The following DISP1 variants were observed in gnomAD, a reference collection of about 807,000 sequenced individuals.
DISP1 encodes protein dispatched homolog 1.
Under a neutral mutation model 37.3 loss-of-function variants are expected in DISP1, and 30 were observed. That is an observed-to-expected ratio of 0.80 (90% confidence interval 0.60 to 1.09). The LOEUF is 1.09. DISP1 is among the 50% of genes least tolerant of loss of function. The pLI, the probability that DISP1 is intolerant of heterozygous loss-of-function variation, is 0.00. For synonymous variants in DISP1, 634 were observed against 690.2 expected, an observed-to-expected ratio of 0.92 and a Z score of 1.28; for missense variants, 1,598 against 1,879.5, an observed-to-expected ratio of 0.85 and a Z score of 2.77.
chr1:222,913,179 CT>C, intron 1 of DISP1, among the ~76,000 whole-genome samples: 1 of 152,256 alleles, frequency 6.6e-6, no homozygotes, highest in African/African-American at 2.4e-5. Context: ...CTTCTTGGTA[CT>C]TGGTAGTTGC....
chr1:222,865,031 TTTTTG>T (rs986615725), intron 1 of DISP1, among the ~76,000 whole-genome samples: 1 of 151,992 alleles, frequency 6.6e-6, no homozygotes, highest in African/African-American at 2.4e-5. Flanking sequence ...TATTTGTTTG[TTTTTG>T]TTTTGTTTTT....
chr1:222,888,511 G>A (rs1670766630), intron 1 of DISP1, among the ~76,000 whole-genome samples: 1 of 152,038 alleles, frequency 6.6e-6, no homozygotes. Flanking sequence ...TTTTTATGGA[G>A]CAAAGGAATG....
intron 1 of DISP1, among the ~76,000 whole-genome samples, chr1:222,848,046 A>T (rs1390014699): frequency 2.0e-5 from 3 of 151,842 alleles, no homozygotes; most frequent in Admixed American, 2.0e-4. Context: ...TTTGGGGGGA[A>T]TATTTTAGGA....
chr1:223,004,507 T>G lies in DISP1; in HGVS notation c.3110T>G (p.Leu1037Trp). 1 of 1,614,258 alleles carries G rather than the reference T, an allele frequency of 6.2e-7. No homozygotes were observed. Among genetic ancestry groups the G allele is most frequent in the South Asian group, 1.1e-5 (1 of 91,082 alleles). Residue 1037 changes from leucine (L) to tryptophan (W), a missense_variant, in exon 9 of 9, where the codon TTG becomes TGG. Coordinates refer to ENST00000675850, the MANE Select transcript of DISP1 (RefSeq NM_001377229.1). The surrounding 1 kb of genome is among the most constrained non-coding windows in gnomAD (Gnocchi z 4.9). ...LVLLGWELNV[L>W]ESVTISVAVG... ...CTGCTGGGCTGGGAGCTCAATGTGT[T>G]GGAATCTGTCACCATTTCGGTTGCC...
In DISP1 at chr1:222,936,798, T is replaced by TATATATAA. The variant is rs1337794006; in HGVS notation, c.-17-6007_-17-6006insATATAAAT. On this transcript the variant is annotated intron_variant, in intron 2 of 8. Coordinates refer to ENST00000675850, the MANE Select transcript of DISP1 (RefSeq NM_001377229.1). ...TATATCATATATAATATATATAATA[T>TATATATAA]ATTATATATATAAATTATATATAAT... is the stretch of plus-strand genomic sequence containing the variant. Among the ~76,000 whole-genome samples, 90 of 42,188 alleles carry TATATATAA rather than the reference T, an allele frequency of 2.1e-3. 1 individual carries two copies. Among genetic ancestry groups the TATATATAA allele is most frequent in the African/African-American group, 6.2e-3 (83 of 13,422 alleles). The allele number at this position is 42,188 out of a possible 152,430, so 27.7% of individuals were successfully genotyped here. A position where few individuals can be genotyped will look rare whatever the true frequency, so the allele number is the denominator to read the frequency against.
At chr1:222,984,837 T>C (rs1366166739) in intron 4 of DISP1, among the ~76,000 whole-genome samples, 1 of 152,168 alleles carries the variant, frequency 6.6e-6, no homozygotes, top group Non-Finnish European at 1.5e-5. Flanking sequence ...CTGCTTTCTG[T>C]CTCTATGGGT....
intron 1 of DISP1, among the ~76,000 whole-genome samples, chr1:222,915,334 C>T (rs143363985): frequency 3.9e-4 from 60 of 152,290 alleles, no homozygotes; most frequent in African/African-American, 1.4e-3. Context: ...GCAAAGCCAG[C>T]AGGGTGTAGA....
At chr1:222,988,771 A>T (rs1678468371) in intron 4 of DISP1, among the ~76,000 whole-genome samples, 1 of 151,040 alleles carries the variant, frequency 6.6e-6, no homozygotes, top group South Asian at 2.1e-4. Flanking sequence ...CTCCTGCCTC[A>T]GCCTCCCAAG....
At chr1:222,916,363 T>C (rs986693714) in intron 1 of DISP1, among the ~76,000 whole-genome samples, 3 of 152,208 alleles carry the variant, frequency 2.0e-5, no homozygotes, top group Non-Finnish European at 4.4e-5. Flanking sequence ...TCATTCTGGC[T>C]AACAGCCCAG....
At chr1:222,888,607 C>T (rs530720550) in intron 1 of DISP1, among the ~76,000 whole-genome samples, 27 of 152,102 alleles carry the variant, frequency 1.8e-4, no homozygotes, top group African/African-American at 5.3e-4. Flanking sequence ...TTATGTAGTG[C>T]GTTTATCAGA....
intron 1 of DISP1, among the ~76,000 whole-genome samples, chr1:222,819,498 T>G (rs528200443): frequency 7.3e-5 from 11 of 151,590 alleles, no homozygotes; most frequent in Admixed American, 6.6e-4. Context: ...TTTTGTGGTT[T>G]TAATATGTTA....
chr1:222,919,679 G>A (rs931729135), intron 1 of DISP1, among the ~76,000 whole-genome samples: 4 of 152,188 alleles, frequency 2.6e-5, no homozygotes, highest in Admixed American at 6.5e-5. Flanking sequence ...GATATAGCAT[G>A]ACATAATTTT....
chr1:222,925,213 T>C (rs550824337), intron 1 of DISP1, among the ~76,000 whole-genome samples: 1 of 152,226 alleles, frequency 6.6e-6, no homozygotes, highest in East Asian at 1.9e-4. Context: ...ATCTGTAATT[T>C]TGATAAAAAT....
At chr1:222,991,108 T>G (rs1308937208) in intron 5 of DISP1, among the ~76,000 whole-genome samples, 4 of 152,148 alleles carry the variant, frequency 2.6e-5, no homozygotes, top group African/African-American at 4.8e-5. Flanking sequence ...GATCACAGAG[T>G]CTGTTTTTAA....
intron 4 of DISP1, among the ~76,000 whole-genome samples, chr1:222,984,458 A>AGC (rs201633204): frequency 1.4e-5 from 2 of 140,960 alleles, no homozygotes; most frequent in Non-Finnish European, 3.1e-5. Flanking sequence ...AGAGAGAGAG[A>AGC]GCGTACTCAT....
Position 223,003,340 on chromosome 1 carries a change from T to C in DISP1, c.1943T>C (p.Met648Thr). 6.2e-7 allele frequency: 1 copy of C among 1,614,190 alleles called. No homozygotes were observed. The highest frequency in any genetic ancestry group is 8.5e-7 in the Non-Finnish European group (1 of 1,180,042). Residue 648 changes from methionine to threonine, a missense_variant, in exon 9 of 9, where the codon ATG becomes ACG. Physicochemically the swap from Met to Thr is moderately conservative, Grantham distance 81. Transcript: ENST00000675850. The surrounding 1 kb of genome is among the most constrained non-coding windows in gnomAD (Gnocchi z 4.3). ...GTAILVNYVLMVTWLPAVVVL... is the reference protein window; with the variant it reads ...GTAILVNYVLTVTWLPAVVVL... ...GCTATATTGGTGAATTACGTTTTGA[T>C]GGTCACATGGCTTCCAGCAGTTGTT...
intron 1 of DISP1, among the ~76,000 whole-genome samples, chr1:222,831,314 G>A (rs1366771151): frequency 2.0e-5 from 3 of 152,096 alleles, no homozygotes; most frequent in Admixed American, 6.5e-5. Flanking sequence ...TAAATTAAAC[G>A]ATATGTAAAA....
At chr1:222,984,640 CATAT>C (rs1179565054) in intron 4 of DISP1, among the ~76,000 whole-genome samples, 1 of 151,210 alleles carries the variant, frequency 6.6e-6, no homozygotes, top group Non-Finnish European at 1.5e-5. Context: ...GTATATATAA[CATAT>C]ATGTTGCCTT....
chr1:222,980,410 AGTGT>A (rs3028495), intron 3 of DISP1, among the ~76,000 whole-genome samples: 1,865 of 148,146 alleles, frequency 0.013, 34 homozygotes, highest in South Asian at 0.046. Context: ...GATGTAACAA[AGTGT>A]GTGTGTGTGT....
Sources: allele counts gnomAD v4.1 joint callset (sites outside exome capture counted in the v4.1 genomes callset), GRCh38; gene constraint gnomAD v4.1.1; non-coding constraint Gnocchi (gnomAD v3.1); transcripts MANE v1.5; gene names NCBI Gene and HGNC (gene_info 2026-07-23, HGNC 2026-07-21).